NDFIP1: variants seen among roughly 807,000 people sequenced by gnomAD.
NDFIP1 encodes Nedd4 family interacting protein 1.
NDFIP1 carries 7 observed loss-of-function variants against 28.8 expected under a neutral mutation model. The observed-to-expected ratio is 0.24, with a 90% CI of 0.14 to 0.46. The LOEUF is 0.46. Ranked by LOEUF, NDFIP1 falls within the 20% of genes least tolerant of loss-of-function variation. The pLI, the probability that NDFIP1 is intolerant of heterozygous loss-of-function variation, is 0.99. For synonymous variants in NDFIP1, 92 were observed against 101.0 expected, an observed-to-expected ratio of 0.91 and a Z score of 0.53; for missense variants, 194 against 269.1, an observed-to-expected ratio of 0.72 and a Z score of 1.95.
intron 5 of NDFIP1, 77 bp from the exon 6 acceptor site, chr5:142,140,486 G>A: frequency 1.8e-6 from 2 of 1,113,742 alleles, no homozygotes; most frequent in Non-Finnish European, 2.6e-6. Flanking sequence ...TGCATTTTGT[G>A]ATTTTGTGTA....
At chr5:142,124,589 G>T (rs1328524627) in intron 1 of NDFIP1, among the ~76,000 whole-genome samples, 2 of 152,166 alleles carry the variant, frequency 1.3e-5, no homozygotes, top group African/African-American at 4.8e-5. Flanking sequence ...TTTGTGAGGG[G>T]ATTTACTGCA....
chr5:142,129,702 A>C (rs574202539), intron 1 of NDFIP1, among the ~76,000 whole-genome samples: 3 of 152,162 alleles, frequency 2.0e-5, no homozygotes, highest in African/African-American at 7.2e-5. Flanking sequence ...TAAGGCAGGC[A>C]TATCACCTGA....
chr5:142,112,855 T>C (rs902338625), intron 1 of NDFIP1, among the ~76,000 whole-genome samples: 2 of 151,762 alleles, frequency 1.3e-5, no homozygotes, highest in Non-Finnish European at 1.5e-5. Context: ...CATTTTTGCC[T>C]TTTGAAACTG....
At chr5:142,147,990 A>G (rs1289867014) in intron 7 of NDFIP1, among the ~76,000 whole-genome samples, 1 of 152,236 alleles carries the variant, frequency 6.6e-6, no homozygotes, top group Admixed American at 6.5e-5. Flanking sequence ...ATGGACTTCT[A>G]CTTCTTTGAT....
chr5:142,130,542 C>T (rs528335228), intron 1 of NDFIP1, among the ~76,000 whole-genome samples: 4 of 152,250 alleles, frequency 2.6e-5, no homozygotes, highest in African/African-American at 9.6e-5. Context: ...GTATACATCA[C>T]TTGAGGCCAG....
chr5:142,126,364 A>G (rs952030528), intron 1 of NDFIP1, among the ~76,000 whole-genome samples: 3 of 152,212 alleles, frequency 2.0e-5, no homozygotes, highest in Non-Finnish European at 2.9e-5. Flanking sequence ...ATTGACCCAG[A>G]ATTTTCTGAT....
chr5:142,134,024 G>A (rs946536805), intron 3 of NDFIP1: 47 of 152,346 alleles, frequency 3.1e-4, no homozygotes, highest in African/African-American at 1.1e-3. Flanking sequence ...AGGCAGTTCT[G>A]TGGATGTAGT....
At chr5:142,130,474 A>G (rs1419222229) in intron 1 of NDFIP1, among the ~76,000 whole-genome samples, 1 of 152,310 alleles carries the variant, frequency 6.6e-6, no homozygotes, top group African/African-American at 2.4e-5. Context: ...TAATGGTAAC[A>G]TGGTTTGTCT....
chr5:142,111,841 C>T (rs1207253845), intron 1 of NDFIP1, among the ~76,000 whole-genome samples: 10 of 151,984 alleles, frequency 6.6e-5, no homozygotes, highest in East Asian at 3.9e-4. Flanking sequence ...CCGAGGTGGG[C>T]GGATCACTTG....
chr5:142,110,957 C>A (rs921255040), intron 1 of NDFIP1, among the ~76,000 whole-genome samples: 1 of 151,872 alleles, frequency 6.6e-6, no homozygotes. Flanking sequence ...AGGTCACAGG[C>A]TGCTAAGTAG....
intron 7 of NDFIP1, among the ~76,000 whole-genome samples, chr5:142,150,348 G>C (rs929273582): frequency 6.6e-6 from 1 of 151,094 alleles, no homozygotes; most frequent in East Asian, 1.9e-4. Context: ...CTCTGTCTCT[G>C]TGCTTTCCGA....
chr5:142,121,870 C>T (rs1420655462), intron 1 of NDFIP1, among the ~76,000 whole-genome samples: 1 of 152,184 alleles, frequency 6.6e-6, no homozygotes, highest in Non-Finnish European at 1.5e-5. Context: ...AGAAATCCAC[C>T]TCCATGCCTG....
Position 142,145,019 on chromosome 5 carries a change from G to A in NDFIP1, c.*2+343G>A, listed in dbSNP as rs1757373352. Among the ~76,000 whole-genome samples the A allele has an allele frequency of 2.0e-5, 3 of 152,202 alleles. No homozygotes were observed. The South Asian group carries it at 6.2e-4, about 32-fold the overall frequency. ...TGCTTACTGTTGCACCAGTTCCAGA[G>A]GATGACATTCAGAAGGAACCCTTCA... On this transcript the variant is annotated intron_variant, in intron 7 of 7. Transcript: ENST00000253814.
At chr5:142,122,887 C>G (rs966485204) in intron 1 of NDFIP1, among the ~76,000 whole-genome samples, 1 of 152,038 alleles carries the variant, frequency 6.6e-6, no homozygotes, top group African/African-American at 2.4e-5. Flanking sequence ...AATATATCCT[C>G]CCGCTCTTTG....
At chr5:142,119,765 C>A (rs562725971) in intron 1 of NDFIP1, among the ~76,000 whole-genome samples, 1 of 152,158 alleles carries the variant, frequency 6.6e-6, no homozygotes, top group East Asian at 1.9e-4. Flanking sequence ...GAGAAGGTTG[C>A]AAGAATAGTA....
intron 1 of NDFIP1, among the ~76,000 whole-genome samples, chr5:142,123,787 G>T (rs902739676): frequency 6.6e-6 from 1 of 152,152 alleles, no homozygotes; most frequent in African/African-American, 2.4e-5. Flanking sequence ...GGAGCCAGGT[G>T]TGTAGTCTCC....
chr5:142,139,083 G>A (rs970906871), intron 5 of NDFIP1, among the ~76,000 whole-genome samples: 2 of 151,962 alleles, frequency 1.3e-5, no homozygotes, highest in African/African-American at 4.8e-5. Context: ...AGCCAGACAT[G>A]GTAGCGGGGG....
intron 7 of NDFIP1, among the ~76,000 whole-genome samples, chr5:142,147,198 A>G (rs987726280): frequency 1.3e-5 from 2 of 152,214 alleles, no homozygotes; most frequent in Non-Finnish European, 2.9e-5. Context: ...AACTTACAGC[A>G]GAATTTAGAA....
intron 1 of NDFIP1, among the ~76,000 whole-genome samples, chr5:142,124,416 T>G (rs562578046): frequency 6.6e-6 from 1 of 152,180 alleles, no homozygotes; most frequent in Non-Finnish European, 1.5e-5. Flanking sequence ...ATAAAATTGA[T>G]GATCATAGGT....
Sources: allele counts gnomAD v4.1 joint callset (sites outside exome capture counted in the v4.1 genomes callset), GRCh38; gene constraint gnomAD v4.1.1; transcripts MANE v1.5; gene names NCBI Gene and HGNC (gene_info 2026-07-23, HGNC 2026-07-21).